Variants in LCA5L observed in about 807,000 individuals in gnomAD.
LCA5L encodes lebercilin LCA5 like, also known as lebercilin-like protein.
Under a neutral mutation model 45.4 loss-of-function variants are expected in LCA5L, and 35 were observed. The observed-to-expected ratio is 0.77, with a 90% CI of 0.59 to 1.02. The LOEUF (loss-of-function observed/expected upper bound fraction) is 1.02, where lower values mean the gene tolerates loss of function less well. Among genes scored for constraint, LCA5L ranks in the 50% least tolerant of loss-of-function variants. The pLI is 0.00. For missense variants in LCA5L, 668 were observed against 761.6 expected (o/e 0.88, Z 1.45); for synonymous variants, 233 against 264.7 (o/e 0.88, Z 1.16).
intron 8 of LCA5L, 118 bp from the exon 9 acceptor site, chr21:39,410,485 A>T: frequency 1.8e-6 from 1 of 569,288 alleles, no homozygotes; most frequent in East Asian, 3.0e-5. Context: ...GTATTTTCTA[A>T]ATATTCAATA....
Position 39,406,605 on chromosome 21 carries a change from T to C in LCA5L, c.1290A>G (p.Ser430=), listed in dbSNP as rs1461432101. 2 of 1,570,766 alleles carry C rather than the reference T, an allele frequency of 1.3e-6. No individual in the cohort carries two copies. Among genetic ancestry groups the C allele is most frequent in the Admixed American group, 2.0e-5 (1 of 49,812 alleles). ...EDSKRKYEDL[S]GEEKHLEVQI... ...GGACTTCCAAATGTTTCTCTTCCCC[T>C]GATAAATCTATATTAGAAAAATAGG... Residue 430 remains serine (S), a synonymous_variant, in exon 11 of 11, where the codon TCA becomes TCG. Coordinates refer to ENST00000288350, the MANE Select transcript of LCA5L (RefSeq NM_152505.4).
intron 7 of LCA5L, among the ~76,000 whole-genome samples, chr21:39,413,633 ATC>A (rs1222267637): frequency 6.6e-6 from 1 of 152,214 alleles, no homozygotes; most frequent in Non-Finnish European, 1.5e-5. Flanking sequence ...TTAACAGTTC[ATC>A]TCTCTTTTCT....
intron 7 of LCA5L, among the ~76,000 whole-genome samples, chr21:39,415,785 T>A (rs1163977730): frequency 1.3e-5 from 2 of 152,242 alleles, no homozygotes; most frequent in Non-Finnish European, 2.9e-5. Context: ...TCTGCTTTGC[T>A]ATTTAATCGT....
intron 2 of LCA5L, among the ~76,000 whole-genome samples, chr21:39,437,308 CTGT>C (rs1569126764): frequency 6.6e-6 from 1 of 152,100 alleles, no homozygotes; most frequent in Admixed American, 6.6e-5. Context: ...CCTACTATCA[CTGT>C]TGTTCATTAA....
Position 39,423,302 on chromosome 21 carries a change from C to G in LCA5L, c.511G>C (p.Glu171Gln), listed in dbSNP as rs755430643. 1.2e-6 allele frequency: 2 copies of G among 1,609,506 alleles called. No homozygotes were observed. The highest frequency in any genetic ancestry group is 1.7e-6 in the Non-Finnish European group (2 of 1,178,932). ...MHHKLEAILT[E>Q]NQFLKQLQLR... ...TGAAGTTGTTTCAAAAATTGGTTTT[C>G]TGTAAGGATGGCTTCCAATTTATGA... Residue 171 changes from glutamate (E) to glutamine (Q), a missense_variant, in exon 6 of 11, where the codon GAA becomes CAA. By Grantham distance (29) the Glu-to-Gln change is conservative. Coordinates refer to ENST00000288350, the MANE Select transcript of LCA5L (RefSeq NM_152505.4).
In LCA5L at chr21:39,409,498, A is replaced by C. The variant is rs994705066; in HGVS notation, c.1282+481T>G. Among the ~76,000 whole-genome samples the C allele has an allele frequency of 1.3e-5, 2 of 152,150 alleles. No homozygotes were observed. Among genetic ancestry groups the C allele is most frequent in the East Asian group, 1.9e-4 (1 of 5,196 alleles). On this transcript the variant is annotated intron_variant, in intron 10 of 10. Transcript: ENST00000288350. The surrounding 1 kb of genome is among the most constrained non-coding windows in gnomAD (Gnocchi z 4.2). ...GAGGGGATATGATTGTGAAGGGCCC[A>C]AGGGTGTTCCAAGGAGTACTCATCC...
At chr21:39,422,701 TAG>T (rs777430723) in intron 6 of LCA5L, 30 of 520,938 alleles carry the variant, frequency 5.8e-5, no homozygotes, top group Non-Finnish European at 8.3e-5. Context: ...TGTGCTCTCT[TAG>T]AGAATGGTCA....
chr21:39,442,000 A>G (rs1260111908), intron 2 of LCA5L, among the ~76,000 whole-genome samples: 2 of 152,154 alleles, frequency 1.3e-5, no homozygotes, highest in Non-Finnish European at 2.9e-5. Flanking sequence ...AAATGTTTCT[A>G]TTTTTGTGGG....
In LCA5L at chr21:39,406,176, C is replaced by A. The variant is rs1482298634; in HGVS notation, c.1719G>T (p.Gly573=). 6.2e-7 allele frequency: 1 copy of A among 1,614,242 alleles called. No homozygotes were observed. The highest frequency in any genetic ancestry group is 1.7e-5 in the Admixed American group (1 of 60,034). Residue 573 remains glycine, a synonymous_variant, in exon 11 of 11, where the codon GGG becomes GGT. Transcript: ENST00000288350. ...EEMELEHSDS[G]YEPSFGKSSR... is the part of the protein sequence containing the mutation. ...AAGACTTACCAAATGAGGGCTCATA[C>A]CCACTGTCAGAATGCTCTAGCTCCA... is the stretch of plus-strand genomic sequence containing the variant.
chr21:39,435,286 TAAG>T (rs2148143427), intron 3 of LCA5L, 131 bp downstream of exon 3: 1 of 152,358 alleles, frequency 6.6e-6, no homozygotes, highest in East Asian at 1.9e-4. Context: ...GAATTAGAAA[TAAG>T]AATGTTCAAG....
At chr21:39,443,366 G>T (rs1191632934) in intron 2 of LCA5L, 1 of 152,310 alleles carries the variant, frequency 6.6e-6, no homozygotes, top group Non-Finnish European at 1.5e-5. Flanking sequence ...GATGGAACAG[G>T]TGATCATACA....
rs758684261 is a variant in LCA5L at position 39,411,760 on chromosome 21, G to A, written c.1018C>T (p.Arg340Ter). Residue 340 changes from arginine (R) to a stop codon, truncating the protein, a stop_gained, in exon 8 of 11, where the codon CGA (arginine) becomes TGA (stop). Coordinates refer to ENST00000288350, the MANE Select transcript of LCA5L (RefSeq NM_152505.4). LOFTEE classifies it high-confidence loss of function. ...ELEIKNIYSH[R>*]ILKNLHDTED... ...GTGTCATGTAAATTTTTAAGTATTCGATGACTATAGATGTTTTTAATTTCA... is the reference window on the plus strand; with the variant it reads ...GTGTCATGTAAATTTTTAAGTATTCAATGACTATAGATGTTTTTAATTTCA... 1 of 1,586,776 alleles carries A rather than the reference G, an allele frequency of 6.3e-7. No homozygotes were observed. The highest frequency in any genetic ancestry group is 1.2e-5 in the South Asian group (1 of 86,438).
At chr21:39,428,024 A>G in intron 5 of LCA5L, 148 bp downstream of exon 5, 1 of 590,052 alleles carries the variant, frequency 1.7e-6, no homozygotes, top group Non-Finnish European at 3.1e-6. Flanking sequence ...TCTATTTCCT[A>G]ATTTATTCTA....
chr21:39,410,385 T>C lies in LCA5L; in HGVS notation c.1061-18A>G. 1 of 1,300,856 alleles carries C rather than the reference T, an allele frequency of 7.7e-7. No homozygotes were observed. The highest frequency in any genetic ancestry group is 1.1e-6 in the Non-Finnish European group (1 of 917,094). 80.6% of individuals were successfully genotyped at this position (1,300,856 alleles called of 1,614,324 possible). On this transcript the variant is annotated intron_variant, in intron 8 of 10. Transcript: ENST00000288350. ...TGAAGAAACTATGGAACAGGTAGAT[T>C]ATATGTAAGAAACATATTTTACATT... is the stretch of plus-strand genomic sequence containing the variant.
intron 6 of LCA5L, among the ~76,000 whole-genome samples, chr21:39,421,274 G>C (rs1408696452): frequency 1.3e-5 from 2 of 151,998 alleles, no homozygotes; most frequent in Admixed American, 6.6e-5. Flanking sequence ...GATAATTTTT[G>C]TATTTTTAGT....
At position 39,409,774 on chromosome 21, in the gene LCA5L, A is replaced by G. The variant is rs939924890; in HGVS notation, c.1282+205T>C. Reference sequence around the variant, plus strand: ...TGTGCGGTTAAGTTTTGTATTTTTTAGTAGAGATAGGGTTTCACCATGTTG... The same window carrying G: ...TGTGCGGTTAAGTTTTGTATTTTTTGGTAGAGATAGGGTTTCACCATGTTG... On this transcript the variant is annotated intron_variant, in intron 10 of 10. Transcript: ENST00000288350. This position sits in a 1 kb window ranked among gnomAD's most constrained non-coding sequence, Gnocchi z 4.2. 1.3e-5 allele frequency among the ~76,000 whole-genome samples: 2 copies of G among 152,044 alleles called. No individual in the cohort carries two copies. Among genetic ancestry groups the G allele is most frequent in the Admixed American group, 6.6e-5 (1 of 15,264 alleles).
At chr21:39,437,975 G>A (rs1477133437) in intron 2 of LCA5L, among the ~76,000 whole-genome samples, 2 of 152,094 alleles carry the variant, frequency 1.3e-5, no homozygotes, top group Non-Finnish European at 2.9e-5. Flanking sequence ...CATGATCAAT[G>A]TATTCTCAAT....
intron 2 of LCA5L, among the ~76,000 whole-genome samples, chr21:39,441,543 C>T (rs1277016340): frequency 6.6e-6 from 1 of 152,104 alleles, no homozygotes; most frequent in Non-Finnish European, 1.5e-5. Flanking sequence ...TGAAAATGTG[C>T]CACGTTCAAA....
chr21:39,407,189 T>C (rs535468094), intron 10 of LCA5L, among the ~76,000 whole-genome samples: 3 of 152,324 alleles, frequency 2.0e-5, no homozygotes, highest in Admixed American at 2.0e-4. Context: ...ACTGTGCCAC[T>C]GCATACCAGC....
Sources: allele counts gnomAD v4.1 joint callset (sites outside exome capture counted in the v4.1 genomes callset), GRCh38; gene constraint gnomAD v4.1.1; non-coding constraint Gnocchi (gnomAD v3.1); transcripts MANE v1.5; gene names NCBI Gene and HGNC (gene_info 2026-07-23, HGNC 2026-07-21).